The following EPB41L2 variants were observed in gnomAD, a reference collection of about 807,000 sequenced individuals.
The protein encoded by EPB41L2 is band 4.1-like protein 2.
In EPB41L2, 43 loss-of-function variants were observed where a neutral mutation model predicts 113.0. The ratio of observed to expected loss-of-function variants is 0.38; its 90% CI spans 0.30 to 0.49. The LOEUF (loss-of-function observed/expected upper bound fraction) is 0.49, where lower values mean the gene tolerates loss of function less well. Ranked by LOEUF, EPB41L2 falls within the 20% of genes least tolerant of loss-of-function variation. The pLI is 0.95. For missense variants in EPB41L2, 1,147 were observed against 1,223.4 expected (o/e 0.94, Z 0.93); for synonymous variants, 442 against 436.7 (o/e 1.01, Z -0.15).
chr6:130,958,019 A>C (rs1001411724), intron 1 of EPB41L2, among the ~76,000 whole-genome samples: 1 of 152,272 alleles, frequency 6.6e-6, no homozygotes, highest in Non-Finnish European at 1.5e-5. Context: ...CCACAAAAAC[A>C]GTCAAGTCAA....
intron 1 of EPB41L2, among the ~76,000 whole-genome samples, chr6:131,024,223 C>T (rs1790300559): frequency 6.6e-6 from 1 of 151,822 alleles, no homozygotes; most frequent in African/African-American, 2.4e-5. Flanking sequence ...GAAGAGAAAG[C>T]AGGCAGAGGG....
At chr6:131,040,211 G>A (rs1794173899) in intron 1 of EPB41L2, among the ~76,000 whole-genome samples, 2 of 152,176 alleles carry the variant, frequency 1.3e-5, no homozygotes, top group Admixed American at 1.3e-4. Flanking sequence ...GCCAAGGCAG[G>A]CAGATCACCT....
intron 18 of EPB41L2, among the ~76,000 whole-genome samples, chr6:130,861,364 C>G (rs9402294): frequency 1 from 151,595 of 152,354 alleles, 75,423 homozygotes; most frequent in Middle Eastern, 1. Flanking sequence ...GAGCCACCGC[C>G]CCCAGCCTGA....
chr6:130,913,349 G>A (rs1421747549), intron 4 of EPB41L2, among the ~76,000 whole-genome samples: 1 of 152,296 alleles, frequency 6.6e-6, no homozygotes, highest in East Asian at 1.9e-4. Context: ...TGATCAAACA[G>A]CAGCATGACT....
chr6:130,971,432 A>T (rs142199891), intron 1 of EPB41L2, among the ~76,000 whole-genome samples: 13 of 152,294 alleles, frequency 8.5e-5, no homozygotes, highest in African/African-American at 3.1e-4. Flanking sequence ...TGACATATTC[A>T]AATGGCCACT....
intron 1 of EPB41L2, among the ~76,000 whole-genome samples, chr6:130,993,963 T>C (rs1320524234): frequency 6.6e-6 from 1 of 152,142 alleles, no homozygotes; most frequent in Non-Finnish European, 1.5e-5. Context: ...AACCTAACAA[T>C]AGCTCTGTTA....
intron 4 of EPB41L2, among the ~76,000 whole-genome samples, chr6:130,911,058 A>G (rs1165764354): frequency 2.0e-5 from 3 of 152,238 alleles, no homozygotes; most frequent in Non-Finnish European, 4.4e-5. Flanking sequence ...TCGTTCTTTT[A>G]TAAGGACACA....
chr6:130,958,827 T>C (rs555905141), intron 1 of EPB41L2, among the ~76,000 whole-genome samples: 6 of 152,210 alleles, frequency 3.9e-5, no homozygotes, highest in African/African-American at 1.4e-4. Context: ...AAAGGCAATG[T>C]GGGGGTTATT....
intron 12 of EPB41L2, chr6:130,881,414 GT>G (rs1789271074): frequency 6.6e-6 from 1 of 152,068 alleles, no homozygotes; most frequent in Non-Finnish European, 1.5e-5. Context: ...CAACTCCTTG[GT>G]CAACATTTAA....
At chr6:130,882,513 T>C (rs1352068692) in intron 12 of EPB41L2, 1 of 152,714 alleles carries the variant, frequency 6.5e-6, no homozygotes, top group Non-Finnish European at 1.5e-5. Context: ...TACGTAGGCA[T>C]GCCAGCAACT....
chr6:130,929,899 A>ACACG (rs1554281823), intron 3 of EPB41L2, among the ~76,000 whole-genome samples: 2 of 109,260 alleles, frequency 1.8e-5, no homozygotes, highest in Admixed American at 9.4e-5. Flanking sequence ...ACACACACAT[A>ACACG]CACGCACAGT....
At chr6:130,933,272 T>C (rs886225450) in intron 3 of EPB41L2, among the ~76,000 whole-genome samples, 2 of 152,168 alleles carry the variant, frequency 1.3e-5, no homozygotes, top group African/African-American at 2.4e-5. Context: ...ACAATCCGAG[T>C]CAATCTCTAT....
chr6:130,859,711 A>T (rs982515847), intron 18 of EPB41L2, among the ~76,000 whole-genome samples: 2 of 151,848 alleles, frequency 1.3e-5, no homozygotes, highest in African/African-American at 4.8e-5. Flanking sequence ...ACTAAACAGA[A>T]ACCCTAAGCC....
intron 3 of EPB41L2, among the ~76,000 whole-genome samples, chr6:130,926,981 G>A (rs6569714): frequency 0.9 from 137,783 of 152,294 alleles, 62,556 homozygotes; most frequent in East Asian, 1. Flanking sequence ...CGAAAAAGGC[G>A]AAATGTTAGC....
intron 10 of EPB41L2, among the ~76,000 whole-genome samples, chr6:130,892,618 T>C (rs1030111823): frequency 4.6e-5 from 7 of 151,096 alleles, no homozygotes; most frequent in African/African-American, 1.7e-4. Context: ...TTATGAGTTA[T>C]ATTTCTCCTC....
At chr6:130,971,005 A>G (rs1031034596) in intron 1 of EPB41L2, among the ~76,000 whole-genome samples, 1 of 151,284 alleles carries the variant, frequency 6.6e-6, no homozygotes, top group South Asian at 2.1e-4. Flanking sequence ...TCCCACTCCC[A>G]CCCCAGCCTC....
intron 3 of EPB41L2, among the ~76,000 whole-genome samples, chr6:130,941,957 A>T (rs1811043608): frequency 6.6e-6 from 1 of 152,258 alleles, no homozygotes; most frequent in Admixed American, 6.5e-5. Context: ...AATTAAATAA[A>T]TATTTAAATA....
chr6:130,956,602 G>A, intron 1 of EPB41L2, 103 bp from the exon 2 acceptor site: 1 of 999,816 alleles, frequency 1.0e-6, no homozygotes, highest in Non-Finnish European at 1.4e-6. Flanking sequence ...AAGAGTAACA[G>A]ATGACAGGGA....
chr6:130,988,013 G>T (rs1433173292), intron 1 of EPB41L2, among the ~76,000 whole-genome samples: 1 of 152,040 alleles, frequency 6.6e-6, no homozygotes, highest in African/African-American at 2.4e-5. Context: ...CTACTCAGGA[G>T]GCTGAGGTGG....
Sources: allele counts gnomAD v4.1 joint callset (sites outside exome capture counted in the v4.1 genomes callset), GRCh38; gene constraint gnomAD v4.1.1; transcripts MANE v1.5; gene names NCBI Gene and HGNC (gene_info 2026-07-23, HGNC 2026-07-21).